Variants in CDK6 observed in about 807,000 individuals in gnomAD.
CDK6 encodes cyclin dependent kinase 6.
CDK6 carries 6 observed loss-of-function variants against 37.1 expected under a neutral mutation model. That is an observed-to-expected ratio of 0.16 (90% confidence interval 0.09 to 0.32). CDK6 has a LOEUF of 0.32. CDK6 is among the 10% of genes least tolerant of loss of function. CDK6 has a pLI of 1.00. For missense variants in CDK6, 224 were observed against 418.9 expected, an observed-to-expected ratio of 0.53 and a Z score of 4.06; for synonymous variants, 160 against 161.3, an observed-to-expected ratio of 0.99 and a Z score of 0.06.
At chr7:92,761,427 G>T (rs1799454932) in intron 3 of CDK6, among the ~76,000 whole-genome samples, 1 of 152,058 alleles carries the variant, frequency 6.6e-6, no homozygotes, top group Non-Finnish European at 1.5e-5. Context: ...TACTAAATCA[G>T]GCCTGTTTCT....
chr7:92,822,066 G>A lies in CDK6; in HGVS notation c.233+11025C>T, dbSNP rs565088085. On this transcript the variant is annotated intron_variant, in intron 2 of 7. Coordinates refer to ENST00000424848, the MANE Select transcript of CDK6 (RefSeq NM_001145306.2). ...AAATATAAAATATGACTCTTTAGAA[G>A]TCATATTTTAATATAACTAATTTTA... Among the ~76,000 whole-genome samples, 28 of 152,076 alleles carry A rather than the reference G, an allele frequency of 1.8e-4. No homozygotes were observed. The East Asian group carries it at 5.4e-3, about 29-fold the overall frequency.
At chr7:92,828,244 T>C (rs1017500115) in intron 2 of CDK6, among the ~76,000 whole-genome samples, 3 of 152,206 alleles carry the variant, frequency 2.0e-5, no homozygotes, top group African/African-American at 4.8e-5. Context: ...CAGTATGGCA[T>C]ACTGCAGAAT....
chr7:92,830,952 G>A (rs1462567473), intron 2 of CDK6, among the ~76,000 whole-genome samples: 1 of 152,202 alleles, frequency 6.6e-6, no homozygotes, highest in Non-Finnish European at 1.5e-5. Context: ...TCCATGGCAA[G>A]AGACCATCAA....
intron 4 of CDK6, among the ~76,000 whole-genome samples, chr7:92,685,301 T>A (rs1562935257): frequency 6.6e-6 from 1 of 152,216 alleles, no homozygotes; most frequent in Non-Finnish European, 1.5e-5. Flanking sequence ...GAGATACATG[T>A]GTGAACATAA....
At chr7:92,792,858 G>A (rs1470906743) in intron 2 of CDK6, among the ~76,000 whole-genome samples, 1 of 151,848 alleles carries the variant, frequency 6.6e-6, no homozygotes, top group Non-Finnish European at 1.5e-5. Flanking sequence ...GCAATAGTTT[G>A]GGAAGTTATC....
At chr7:92,692,465 T>C (rs542246421) in intron 4 of CDK6, among the ~76,000 whole-genome samples, 1 of 152,104 alleles carries the variant, frequency 6.6e-6, no homozygotes, top group East Asian at 1.9e-4. Context: ...TCTAAGGCTA[T>C]GAAACTGCTA....
intron 4 of CDK6, among the ~76,000 whole-genome samples, chr7:92,724,069 T>C (rs184748770): frequency 1.3e-5 from 2 of 152,216 alleles, no homozygotes; most frequent in Admixed American, 6.5e-5. Flanking sequence ...GTTCCTTCCA[T>C]CTACTCCCCT....
chr7:92,606,138 A>G lies in CDK6; in HGVS notation c.*9002T>C, dbSNP rs574782406. The stretch of plus-strand genomic sequence containing the variant: ...ATTTCAAGTATGAAGAAATACAGTA[A>G]AAGTGTGGCCTGTAGATGGAGAGAA... On this transcript the variant is annotated 3_prime_UTR_variant, in exon 8 of 8. Transcript: ENST00000424848. 8.6e-6 allele frequency: 2 copies of G among 233,654 alleles called. No homozygotes were observed. The highest frequency in any genetic ancestry group is 3.6e-4 in the South Asian group (2 of 5,526). The allele number at this position is 233,654 out of a possible 1,614,324, so 14.5% of individuals were successfully genotyped here.
chr7:92,825,564 A>G (rs1284480481), intron 2 of CDK6, among the ~76,000 whole-genome samples: 3 of 152,152 alleles, frequency 2.0e-5, no homozygotes, highest in Admixed American at 6.5e-5. Flanking sequence ...CCAGTTTGTC[A>G]AGATGGAATC....
chr7:92,635,361 G>T (rs1472635001), intron 5 of CDK6, among the ~76,000 whole-genome samples: 1 of 152,168 alleles, frequency 6.6e-6, no homozygotes, highest in Non-Finnish European at 1.5e-5. Flanking sequence ...GGAGACAGAA[G>T]ATCCAGCTCT....
At position 92,696,778 on chromosome 7, in the gene CDK6, T is replaced by G. The variant is rs186012434; in HGVS notation, c.538-25243A>C. ...GACAGCATATGGAATCCTGGGGTCATGAATTGTGCAATTCTAATATTCAGA... is the reference window on the plus strand; with the variant it reads ...GACAGCATATGGAATCCTGGGGTCAGGAATTGTGCAATTCTAATATTCAGA... On this transcript the variant is annotated intron_variant, in intron 4 of 7. Coordinates refer to ENST00000424848, the MANE Select transcript of CDK6 (RefSeq NM_001145306.2). 2.0e-4 allele frequency among the ~76,000 whole-genome samples: 30 copies of G among 152,354 alleles called. No individual in the cohort carries two copies. In the East Asian group the frequency reaches 4.6e-3, roughly 23 times the overall value.
intron 5 of CDK6, among the ~76,000 whole-genome samples, chr7:92,638,403 A>C (rs1434462159): frequency 6.6e-6 from 1 of 152,092 alleles, no homozygotes; most frequent in African/African-American, 2.4e-5. Context: ...TTACTGACCC[A>C]CTCATTTGAG....
At chr7:92,625,340 G>GCCA (rs1795902126) in intron 5 of CDK6, among the ~76,000 whole-genome samples, 1 of 151,726 alleles carries the variant, frequency 6.6e-6, no homozygotes, top group Non-Finnish European at 1.5e-5. Context: ...GGAACCATTT[G>GCCA]CCACCATGTG....
At chr7:92,740,971 T>C (rs1258584752) in intron 3 of CDK6, among the ~76,000 whole-genome samples, 1 of 152,208 alleles carries the variant, frequency 6.6e-6, no homozygotes, top group African/African-American at 2.4e-5. Context: ...TACAACCTTG[T>C]AATTCAACTT....
chr7:92,811,042 A>G (rs1562971799), intron 2 of CDK6, among the ~76,000 whole-genome samples: 1 of 151,274 alleles, frequency 6.6e-6, no homozygotes, highest in Non-Finnish European at 1.5e-5. Flanking sequence ...CAGAATGAGA[A>G]CCCCCCCAGC....
At chr7:92,736,561 T>C (rs1798791547) in intron 3 of CDK6, among the ~76,000 whole-genome samples, 1 of 152,116 alleles carries the variant, frequency 6.6e-6, no homozygotes, top group Admixed American at 6.6e-5. Context: ...GCATCTGTCA[T>C]GGAGGACACT....
intron 5 of CDK6, among the ~76,000 whole-genome samples, chr7:92,628,723 G>C (rs1388502189): frequency 6.6e-6 from 1 of 152,028 alleles, no homozygotes; most frequent in Non-Finnish European, 1.5e-5. Flanking sequence ...AATTTATATT[G>C]TTGTATCTGT....
chr7:92,774,907 C>T (rs1799810796), intron 2 of CDK6, 76 bp from the exon 3 acceptor site: 1 of 1,399,688 alleles, frequency 7.1e-7, no homozygotes, highest in African/African-American at 1.5e-5. Flanking sequence ...ACATATCGCT[C>T]AATTTGGTCT....
chr7:92,798,173 A>G (rs917902447), intron 2 of CDK6, among the ~76,000 whole-genome samples: 1 of 152,238 alleles, frequency 6.6e-6, no homozygotes, highest in African/African-American at 2.4e-5. Context: ...AAGACTAAAC[A>G]AAGGCATTAA....
Sources: allele counts gnomAD v4.1 joint callset (sites outside exome capture counted in the v4.1 genomes callset), GRCh38; gene constraint gnomAD v4.1.1; transcripts MANE v1.5; gene names NCBI Gene and HGNC (gene_info 2026-07-23, HGNC 2026-07-21).